The following NHSL1 variants were observed in gnomAD, a reference collection of about 807,000 sequenced individuals.
The protein encoded by NHSL1 is NHS-like protein 1.
In NHSL1, 48 loss-of-function variants were observed where a neutral mutation model predicts 95.0. That is an observed-to-expected ratio of 0.51 (90% CI 0.40 to 0.64). The LOEUF is 0.64. NHSL1 is among the 30% of genes least tolerant of loss of function. NHSL1 has a pLI of 0.00. For synonymous variants in NHSL1, 783 were observed against 833.9 expected (o/e 0.94, Z 1.05); for missense variants, 1,971 against 2,077.7 (o/e 0.95, Z 1.00).
chr6:138,573,621 T>C (rs369092134), upstream of NHSL1, among the ~76,000 whole-genome samples: 11 of 152,282 alleles, frequency 7.2e-5, no homozygotes, highest in South Asian at 2.1e-4. Context: ...GCAGTTCATA[T>C]TACACCATGT....
intron 2 of NHSL1, among the ~76,000 whole-genome samples, chr6:138,475,288 T>A (rs1249710932): frequency 1.3e-5 from 2 of 152,096 alleles, no homozygotes; most frequent in Non-Finnish European, 2.9e-5. Flanking sequence ...AGCATGATGA[T>A]CACGGCTCAC....
chr6:138,451,111 C>A lies in NHSL1; in HGVS notation c.340-3918G>T, dbSNP rs74547062. ...CCTCCAAAGTCCTTACTATGACCTCCAAGACCCTACATGATCTACCAGCTG... is the reference window on the plus strand; with the variant it reads ...CCTCCAAAGTCCTTACTATGACCTCAAAGACCCTACATGATCTACCAGCTG... On this transcript the variant is annotated intron_variant, in intron 3 of 7. Coordinates refer to ENST00000343505, the MANE Select transcript of NHSL1 (RefSeq NM_001144060.2). Among the ~76,000 whole-genome samples the A allele has an allele frequency of 5.0e-3, 766 of 152,294 alleles. 1 individual carries two copies. Among genetic ancestry groups the A allele is most frequent in the African/African-American group, 0.017 (698 of 41,562 alleles).
At chr6:138,519,008 A>C (rs1260378313) in intron 1 of NHSL1, among the ~76,000 whole-genome samples, 1 of 152,176 alleles carries the variant, frequency 6.6e-6, no homozygotes, top group Admixed American at 6.6e-5. Flanking sequence ...ACAGAGCAAG[A>C]CACTGTCTCA....
At chr6:138,507,364 C>T (rs1276317269) in intron 1 of NHSL1, among the ~76,000 whole-genome samples, 2 of 152,148 alleles carry the variant, frequency 1.3e-5, no homozygotes. Flanking sequence ...GCTGATCTGG[C>T]CTCTCCAATA....
At chr6:138,488,669 T>TA (rs1303993359) in intron 2 of NHSL1, among the ~76,000 whole-genome samples, 1 of 152,218 alleles carries the variant, frequency 6.6e-6, no homozygotes, top group African/African-American at 2.4e-5. Flanking sequence ...TCACCACCTT[T>TA]AGGCAACGAT....
At chr6:138,440,698 C>G (rs1473599243) in intron 5 of NHSL1, among the ~76,000 whole-genome samples, 2 of 152,192 alleles carry the variant, frequency 1.3e-5, no homozygotes, top group African/African-American at 4.8e-5. Flanking sequence ...CTCTCTAATA[C>G]AAGGCATTCA....
intron 3 of NHSL1, among the ~76,000 whole-genome samples, chr6:138,450,009 T>C (rs1447150769): frequency 1.3e-5 from 2 of 152,234 alleles, no homozygotes; most frequent in Non-Finnish European, 2.9e-5. Flanking sequence ...ACTATATCCA[T>C]TGATACTTGA....
upstream of NHSL1, among the ~76,000 whole-genome samples, chr6:138,572,805 C>A (rs1290871428): frequency 6.6e-6 from 1 of 151,710 alleles, no homozygotes; most frequent in Non-Finnish European, 1.5e-5. Flanking sequence ...AATTATCAAA[C>A]CATACTTCTG....
At chr6:138,533,301 C>T (rs905534881) in intron 1 of NHSL1, among the ~76,000 whole-genome samples, 6 of 152,158 alleles carry the variant, frequency 3.9e-5, no homozygotes, top group East Asian at 3.8e-4. Flanking sequence ...TGGTGGCTCA[C>T]GCCTGTAATC....
At chr6:138,476,259 A>G (rs1779059920) in intron 2 of NHSL1, among the ~76,000 whole-genome samples, 1 of 152,234 alleles carries the variant, frequency 6.6e-6, no homozygotes, top group Non-Finnish European at 1.5e-5. Context: ...ATCCATCAAC[A>G]GTTGACTGAA....
chr6:138,445,820 G>A (rs911088213), intron 4 of NHSL1, among the ~76,000 whole-genome samples: 1 of 152,146 alleles, frequency 6.6e-6, no homozygotes, highest in African/African-American at 2.4e-5. Context: ...TGGTCACCTA[G>A]TTTTTTTGTT....
At chr6:138,691,562 A>T (rs1339833440) in intron 1 of NHSL1, among the ~76,000 whole-genome samples, 1 of 152,136 alleles carries the variant, frequency 6.6e-6, no homozygotes, top group Admixed American at 6.6e-5. Flanking sequence ...TTACATCAAC[A>T]TCTCCCCTCC....
At chr6:138,575,447 A>G (rs1054648198), upstream of NHSL1, among the ~76,000 whole-genome samples, 3 of 152,232 alleles carry the variant, frequency 2.0e-5, no homozygotes, top group Non-Finnish European at 4.4e-5. Context: ...ACTCTCCGTC[A>G]AAGTAAGTGC....
chr6:138,672,177 A>G (rs1368720872), intron 1 of NHSL1, among the ~76,000 whole-genome samples: 2 of 152,222 alleles, frequency 1.3e-5, no homozygotes, highest in Non-Finnish European at 2.9e-5. Flanking sequence ...TCATTCACCA[A>G]GAGAGACTGT....
chr6:138,444,746 A>C (rs1776753613), intron 4 of NHSL1, among the ~76,000 whole-genome samples: 1 of 152,180 alleles, frequency 6.6e-6, no homozygotes, highest in Non-Finnish European at 1.5e-5. Context: ...AGGAAGCTGT[A>C]TAACCTATGT....
chr6:138,550,900 CCTT>C (rs1410825994), intron 1 of NHSL1, among the ~76,000 whole-genome samples: 1 of 152,166 alleles, frequency 6.6e-6, no homozygotes, highest in African/African-American at 2.4e-5. Flanking sequence ...ATGGAAAAAT[CCTT>C]CTCCATACCC....
intron 3 of NHSL1, among the ~76,000 whole-genome samples, chr6:138,451,319 T>G (rs955591741): frequency 1.3e-5 from 2 of 152,202 alleles, no homozygotes; most frequent in East Asian, 3.8e-4. Flanking sequence ...AGGTAGCCCC[T>G]TCTTTTTCTT....
intron 4 of NHSL1, among the ~76,000 whole-genome samples, chr6:138,446,506 CAT>C (rs1776874135): frequency 6.6e-6 from 1 of 152,132 alleles, no homozygotes; most frequent in Non-Finnish European, 1.5e-5. Context: ...CTTAATATAA[CAT>C]ATTCTGAAAA....
chr6:138,625,637 T>G (rs1329317923), intron 1 of NHSL1, among the ~76,000 whole-genome samples: 1 of 124,328 alleles, frequency 8.0e-6, no homozygotes, highest in Non-Finnish European at 1.6e-5. Context: ...TGTGCTTTTT[T>G]AATTAAAAAA....
Sources: gnomAD v4.1 joint callset for allele counts (sites outside exome capture counted in the v4.1 genomes callset) on GRCh38, gnomAD v4.1.1 for gene constraint, MANE v1.5 for transcripts, NCBI Gene and HGNC (gene_info 2026-07-23, HGNC 2026-07-21) for gene names.